Variants in BBS9 observed in about 807,000 individuals in gnomAD.
BBS9 encodes the protein protein PTHB1.
Under a neutral mutation model 117.7 loss-of-function variants are expected in BBS9, and 89 were observed. That is an observed-to-expected ratio of 0.76 (90% confidence interval 0.64 to 0.90). The LOEUF is 0.90. Among genes scored for constraint, BBS9 ranks in the 40% least tolerant of loss-of-function variants. The probability of loss-of-function intolerance (pLI) is 0.00; values close to 1 mark genes in which losing one functional copy is unlikely to be tolerated. For synonymous variants in BBS9, 379 were observed against 370.9 expected (o/e 1.02, Z -0.25); for missense variants, 982 against 1,042.2 (o/e 0.94, Z 0.80).
intron 9 of BBS9, among the ~76,000 whole-genome samples, chr7:33,300,898 A>T (rs1021405282): frequency 1.3e-5 from 2 of 152,152 alleles, no homozygotes; most frequent in Admixed American, 6.5e-5. Flanking sequence ...GAAGGCATTT[A>T]AAAAAATCTG....
chr7:33,355,869 G>C (rs1469336326), intron 15 of BBS9, among the ~76,000 whole-genome samples: 1 of 151,876 alleles, frequency 6.6e-6, no homozygotes, highest in African/African-American at 2.4e-5. Context: ...CTTATAGGCA[G>C]TGTTGTTGAT....
At chr7:33,436,540 A>T (rs1835332272) in intron 19 of BBS9, among the ~76,000 whole-genome samples, 1 of 152,210 alleles carries the variant, frequency 6.6e-6, no homozygotes, top group Non-Finnish European at 1.5e-5. Flanking sequence ...ATGAATAAAA[A>T]CATTTTGTTT....
intron 19 of BBS9, among the ~76,000 whole-genome samples, chr7:33,504,479 G>A (rs537084192): frequency 1.4e-4 from 21 of 152,208 alleles, no homozygotes; most frequent in Admixed American, 2.6e-4. Context: ...TCAATAAACC[G>A]TGAAATATCA....
At chr7:33,368,225 G>C (rs1244596472) in intron 17 of BBS9, among the ~76,000 whole-genome samples, 1 of 152,136 alleles carries the variant, frequency 6.6e-6, no homozygotes, top group Non-Finnish European at 1.5e-5. Flanking sequence ...TGGTGAACTA[G>C]ATTTGGGAAC....
intron 4 of BBS9, among the ~76,000 whole-genome samples, chr7:33,167,873 G>A (rs1795942666): frequency 6.6e-6 from 1 of 151,958 alleles, no homozygotes; most frequent in Admixed American, 6.6e-5. Context: ...TTAAAATTAA[G>A]CAATTAACTG....
At chr7:33,188,903 AG>A (rs1019286600) in intron 5 of BBS9, among the ~76,000 whole-genome samples, 8 of 152,128 alleles carry the variant, frequency 5.3e-5, no homozygotes, top group African/African-American at 1.7e-4. Flanking sequence ...ATGTTTTATA[AG>A]GGGGGGAGAA....
At chr7:33,469,133 A>T (rs948226886) in intron 19 of BBS9, among the ~76,000 whole-genome samples, 2 of 149,964 alleles carry the variant, frequency 1.3e-5, no homozygotes, top group African/African-American at 4.8e-5. Context: ...TCATCACCCC[A>T]TTCAGTATAT....
At chr7:33,247,940 T>C (rs1378657611) in intron 5 of BBS9, among the ~76,000 whole-genome samples, 1 of 113,360 alleles carries the variant, frequency 8.8e-6, no homozygotes, top group Non-Finnish European at 2.2e-5. Flanking sequence ...GTAATTTTCT[T>C]ATATTATGTT....
At chr7:33,553,020 A>G (rs1423811726) in intron 21 of BBS9, among the ~76,000 whole-genome samples, 1 of 152,012 alleles carries the variant, frequency 6.6e-6, no homozygotes, top group African/African-American at 2.4e-5. Context: ...CTGGTTTTGC[A>G]TATGCTGTTC....
chr7:33,207,648 T>C (rs556801116), intron 5 of BBS9, among the ~76,000 whole-genome samples: 9 of 152,056 alleles, frequency 5.9e-5, no homozygotes, highest in Non-Finnish European at 1.5e-5. Flanking sequence ...GACCAAGATA[T>C]AGATGCTAGG....
At chr7:33,234,239 A>G (rs1793043047) in intron 5 of BBS9, among the ~76,000 whole-genome samples, 1 of 152,056 alleles carries the variant, frequency 6.6e-6, no homozygotes, top group South Asian at 2.1e-4. Context: ...CAGTGTGTGT[A>G]TAGGGTTTGG....
At chr7:33,135,593 T>G (rs112242461) in intron 1 of BBS9, among the ~76,000 whole-genome samples, 44 of 152,366 alleles carry the variant, frequency 2.9e-4, no homozygotes, top group African/African-American at 9.1e-4. Context: ...TTAGTAAGTT[T>G]TGATATGGGG....
At chr7:33,143,599 T>A (rs1791870804) in intron 1 of BBS9, among the ~76,000 whole-genome samples, 1 of 151,982 alleles carries the variant, frequency 6.6e-6, no homozygotes, top group African/African-American at 2.4e-5. Flanking sequence ...AGAGCCTCAC[T>A]CCGTAACCCA....
At chr7:33,260,236 A>G (rs1052383898) in intron 6 of BBS9, among the ~76,000 whole-genome samples, 6 of 152,168 alleles carry the variant, frequency 3.9e-5, no homozygotes, top group Non-Finnish European at 7.3e-5. Context: ...TCCTGAGCTC[A>G]GGCAGTCTGC....
chr7:33,227,668 C>T (rs1791559201), intron 5 of BBS9, among the ~76,000 whole-genome samples: 1 of 152,132 alleles, frequency 6.6e-6, no homozygotes, highest in East Asian at 1.9e-4. Context: ...CTTTTGCATC[C>T]TCATAACTTA....
chr7:33,243,898 T>C (rs1316865121), intron 5 of BBS9, among the ~76,000 whole-genome samples: 1 of 152,120 alleles, frequency 6.6e-6, no homozygotes, highest in East Asian at 1.9e-4. Flanking sequence ...TTTAAGAGAA[T>C]ATTGGTGATT....
chr7:33,583,622 T>C (rs556423742), intron 21 of BBS9, among the ~76,000 whole-genome samples: 30 of 152,216 alleles, frequency 2.0e-4, no homozygotes, highest in Non-Finnish European at 4.1e-4. Flanking sequence ...CGCCAAAACA[T>C]GTGATGTGCC....
chr7:33,324,193 T>C (rs1167936463), intron 9 of BBS9, among the ~76,000 whole-genome samples: 1 of 152,196 alleles, frequency 6.6e-6, no homozygotes, highest in East Asian at 1.9e-4. Context: ...TTTAATTTCT[T>C]ACTCTTTATT....
At chr7:33,228,404 T>C (rs1425086151) in intron 5 of BBS9, among the ~76,000 whole-genome samples, 4 of 152,212 alleles carry the variant, frequency 2.6e-5, no homozygotes, top group Non-Finnish European at 4.4e-5. Flanking sequence ...ATATTTTCTT[T>C]TATTCAAATT....
Sources: allele counts gnomAD v4.1 joint callset (sites outside exome capture counted in the v4.1 genomes callset), GRCh38; gene constraint gnomAD v4.1.1; transcripts MANE v1.5; gene names NCBI Gene and HGNC (gene_info 2026-07-23, HGNC 2026-07-21).